RBFOX1: variants seen among roughly 807,000 people sequenced by gnomAD.
RBFOX1 encodes the protein RNA binding protein fox-1 homolog 1.
Under a neutral mutation model 57.7 loss-of-function variants are expected in RBFOX1, and 8 were observed. The observed-to-expected ratio is 0.14, with a 90% CI of 0.08 to 0.25. RBFOX1 has a LOEUF of 0.25. RBFOX1 is among the 10% of genes least tolerant of loss of function. The pLI, the probability that RBFOX1 is intolerant of heterozygous loss-of-function variation, is 1.00. For missense variants in RBFOX1, 611 were observed against 548.5 expected (o/e 1.11, Z -1.14); for synonymous variants, 326 against 222.4 (o/e 1.47, Z -4.15).
chr16:6,338,136 G>A (rs988627368), intron 2 of RBFOX1, among the ~76,000 whole-genome samples: 14 of 152,238 alleles, frequency 9.2e-5, no homozygotes, highest in African/African-American at 3.4e-4. Context: ...CTGTTTTTTA[G>A]TGGTGAGAAT....
chr16:5,421,249 C>T (rs1184995577), intron 1 of RBFOX1, among the ~76,000 whole-genome samples: 1 of 152,060 alleles, frequency 6.6e-6, no homozygotes, highest in South Asian at 2.1e-4. Context: ...CTCAAGTGAT[C>T]CCCTGCCTCA....
chr16:6,539,540 A>G (rs1413730619), intron 2 of RBFOX1, among the ~76,000 whole-genome samples: 3 of 152,058 alleles, frequency 2.0e-5, no homozygotes, highest in South Asian at 2.1e-4. Context: ...GCTCACACCT[A>G]TAATCCCAGC....
intron 3 of RBFOX1, among the ~76,000 whole-genome samples, chr16:6,961,790 A>C (rs1278342894): frequency 6.6e-6 from 1 of 152,146 alleles, no homozygotes; most frequent in Non-Finnish European, 1.5e-5. Context: ...AGTGTCCTTT[A>C]GCATGCTAAT....
chr16:6,212,754 A>G lies in RBFOX1; in HGVS notation c.-126-104241A>G, dbSNP rs964593914. Among the ~76,000 whole-genome samples the G allele has an allele frequency of 2.6e-5, 4 of 152,148 alleles. No homozygotes were observed. In the East Asian group the frequency reaches 7.7e-4, roughly 29 times the overall value. ...AAAAAAAAAACCCACTAATATGATA[A>G]TGGAGTAATCTGCGTTTTTATAATT... is the stretch of plus-strand genomic sequence containing the variant. On this transcript the variant is annotated intron_variant, in intron 1 of 15. Coordinates refer to ENST00000550418, the MANE Select transcript of RBFOX1 (RefSeq NM_018723.4).
intron 3 of RBFOX1, among the ~76,000 whole-genome samples, chr16:6,796,252 C>G (rs917628558): frequency 6.6e-6 from 1 of 152,116 alleles, no homozygotes; most frequent in African/African-American, 2.4e-5. Flanking sequence ...GAAGGAAAGA[C>G]CCACCCCCGT....
chr16:5,926,088 C>G (rs1431684094), intron 4 of RBFOX1, among the ~76,000 whole-genome samples: 1 of 152,160 alleles, frequency 6.6e-6, no homozygotes, highest in African/African-American at 2.4e-5. Context: ...CAAAGGTAAG[C>G]CATTATGTAA....
At chr16:5,813,404 C>A (rs1163654690) in intron 3 of RBFOX1, among the ~76,000 whole-genome samples, 1 of 152,158 alleles carries the variant, frequency 6.6e-6, no homozygotes, top group Non-Finnish European at 1.5e-5. Flanking sequence ...CCCATTCCTC[C>A]CCGGCCCTCA....
At chr16:6,728,935 A>G (rs922008990) in intron 3 of RBFOX1, among the ~76,000 whole-genome samples, 1 of 152,192 alleles carries the variant, frequency 6.6e-6, no homozygotes, top group Non-Finnish European at 1.5e-5. Context: ...ACGCACACGT[A>G]TATTTGTATA....
At chr16:6,255,879 C>G (rs766524037) in intron 1 of RBFOX1, among the ~76,000 whole-genome samples, 4 of 151,114 alleles carry the variant, frequency 2.6e-5, no homozygotes, top group Non-Finnish European at 4.4e-5. Context: ...CGTCACACAC[C>G]GGGGCCTGTA....
chr16:6,021,647 C>T (rs1483810913), intron 1 of RBFOX1, among the ~76,000 whole-genome samples: 1 of 152,132 alleles, frequency 6.6e-6, no homozygotes, highest in African/African-American at 2.4e-5. Context: ...GAAGAAAAGT[C>T]ATCATTCCTC....
intron 2 of RBFOX1, among the ~76,000 whole-genome samples, chr16:6,471,853 C>T (rs2095182969): frequency 6.6e-6 from 1 of 152,134 alleles, no homozygotes; most frequent in Non-Finnish European, 1.5e-5. Context: ...TGGGACTTCA[C>T]AGGAAGTCGA....
At chr16:5,719,814 A>G (rs1301931003) in intron 3 of RBFOX1, among the ~76,000 whole-genome samples, 1 of 152,066 alleles carries the variant, frequency 6.6e-6, no homozygotes, top group Non-Finnish European at 1.5e-5. Context: ...TTTGTTGGAC[A>G]TTTGGGTTGT....
chr16:7,078,560 C>T (rs1159162728), intron 4 of RBFOX1, among the ~76,000 whole-genome samples: 2 of 152,014 alleles, frequency 1.3e-5, no homozygotes, highest in Non-Finnish European at 2.9e-5. Context: ...GTTGGCCAGG[C>T]TGGTCTCGAA....
At chr16:6,857,588 G>T (rs551464058) in intron 3 of RBFOX1, among the ~76,000 whole-genome samples, 61 of 152,118 alleles carry the variant, frequency 4.0e-4, no homozygotes, top group African/African-American at 1.4e-3. Flanking sequence ...TTTAATCGCC[G>T]TAGCTCTTTG....
intron 1 of RBFOX1, among the ~76,000 whole-genome samples, chr16:5,282,916 G>A (rs2063306920): frequency 6.6e-6 from 1 of 152,150 alleles, no homozygotes. Context: ...ATGTCTCCAG[G>A]GCATGTCACA....
chr16:5,630,888 C>G (rs1051284778), intron 3 of RBFOX1, among the ~76,000 whole-genome samples: 2 of 152,264 alleles, frequency 1.3e-5, no homozygotes, highest in African/African-American at 4.8e-5. Context: ...GTTTAATGAC[C>G]AAATATGTTT....
At chr16:7,613,081 C>T (rs1387769894) in intron 10 of RBFOX1, among the ~76,000 whole-genome samples, 2 of 151,946 alleles carry the variant, frequency 1.3e-5, no homozygotes, top group East Asian at 3.9e-4. Context: ...TAGTTAGGTC[C>T]CAGAGATGAG....
At chr16:7,697,335 T>C (rs1488615256) in intron 14 of RBFOX1, among the ~76,000 whole-genome samples, 5 of 152,146 alleles carry the variant, frequency 3.3e-5, no homozygotes, top group Non-Finnish European at 7.3e-5. Flanking sequence ...CTCCCCACTC[T>C]TGTTCTAAGG....
rs1185962863 is a variant in RBFOX1 at position 6,487,842 on chromosome 16, G to A, written c.-63-166761G>A. On this transcript the variant is annotated intron_variant, in intron 2 of 15. Coordinates refer to ENST00000550418, the MANE Select transcript of RBFOX1 (RefSeq NM_018723.4). ...AATTCTAGATTCATGTTTATCTAAT[G>A]AGCCAAATCTCTCCCTGTTATTTAA... Among the ~76,000 whole-genome samples the A allele has an allele frequency of 2.7e-5, 4 of 149,652 alleles. No individual in the cohort carries two copies. The East Asian group carries it at 5.9e-4, about 22-fold the overall frequency.
Sources: gnomAD v4.1 joint callset for allele counts (sites outside exome capture counted in the v4.1 genomes callset) on GRCh38, gnomAD v4.1.1 for gene constraint, MANE v1.5 for transcripts, NCBI Gene and HGNC (gene_info 2026-07-23, HGNC 2026-07-21) for gene names.